The following TMEM106A variants were observed in gnomAD, a reference collection of about 807,000 sequenced individuals.
TMEM106A encodes the protein transmembrane protein 106A.
A neutral mutation model predicts 25.1 loss-of-function variants in TMEM106A; 22 were observed. The ratio of observed to expected loss-of-function variants is 0.88; its 90% CI spans 0.63 to 1.25. The LOEUF is 1.25. Among genes scored for constraint, TMEM106A ranks in the 50% most tolerant of loss-of-function variants. The pLI, the probability that TMEM106A is intolerant of heterozygous loss-of-function variation, is 0.00. For missense variants in TMEM106A, 275 were observed against 318.1 expected, an observed-to-expected ratio of 0.86 and a Z score of 1.03; for synonymous variants, 104 against 129.9, an observed-to-expected ratio of 0.80 and a Z score of 1.35.
chr17:43,217,621 A>G, intron 8 of TMEM106A, 60 bp from the exon 9 acceptor site: 1 of 1,606,920 alleles, frequency 6.2e-7, no homozygotes, highest in Non-Finnish European at 8.5e-7. Context: ...AGACAGTATA[A>G]TGGGGCCAGA....
At chr17:43,213,940 C>CAA in intron 4 of TMEM106A, 49 bp downstream of exon 4, 2 of 1,592,038 alleles carry the variant, frequency 1.3e-6, no homozygotes, top group Non-Finnish European at 1.7e-6. Flanking sequence ...CCCCTGGGGG[C>CAA]TGCTCCCTTT....
chr17:43,214,197 AAAAAAAAAG>A (rs1436827350), intron 4 of TMEM106A, among the ~76,000 whole-genome samples: 1 of 146,376 alleles, frequency 6.8e-6, no homozygotes, highest in African/African-American at 2.5e-5. Context: ...TCAAAAAAAA[AAAAAAAAAG>A]AAAAAAAAAA....
Position 43,218,056 on chromosome 17 carries a change from T to G in TMEM106A, c.*255T>G, listed in dbSNP as rs188566305. ...ATTCTGCCCTTGGTTAGTTTTTTGT[T>G]TTTTTTTTGGTAGAGACAGAGTCTC... On this transcript the variant is annotated 3_prime_UTR_variant, in exon 9 of 9. Coordinates refer to ENST00000612339, the MANE Select transcript of TMEM106A (RefSeq NM_145041.4). 0.017 allele frequency: 7,373 copies of G among 441,780 alleles called. 143 individuals are homozygous for G. The highest frequency in any genetic ancestry group is 0.038 in the South Asian group (1,401 of 36,440). 27.4% of individuals were successfully genotyped at this position (441,780 alleles called of 1,614,324 possible). A position where few individuals can be genotyped will look rare whatever the true frequency, so the allele number is the denominator to read the frequency against.
chr17:43,216,044 G>A, intron 5 of TMEM106A, 103 bp downstream of exon 5: 4 of 1,445,046 alleles, frequency 2.8e-6, no homozygotes, highest in East Asian at 2.3e-5. Flanking sequence ...GAGATCTTAT[G>A]GCACCCAGAG....
rs2057505046 is a variant in TMEM106A, at chr17:43,218,225, C to A, written c.*424C>A. ...TCTGACCTGGCATTTTCTTGAGGCA[C>A]CTTAGATTCCCTGGAGTGGCACCTG... On this transcript the variant is annotated 3_prime_UTR_variant, in exon 9 of 9. Coordinates refer to ENST00000612339, the MANE Select transcript of TMEM106A (RefSeq NM_145041.4). The A allele has an allele frequency of 5.1e-6, 1 of 194,710 alleles. No homozygotes were observed. Among genetic ancestry groups the A allele is most frequent in the East Asian group, 1.6e-4 (1 of 6,302 alleles). The allele number at this position is 194,710 out of a possible 1,614,324, so 12.1% of individuals were successfully genotyped here. A position where few individuals can be genotyped will look rare whatever the true frequency, so the allele number is the denominator to read the frequency against.
intron 4 of TMEM106A, among the ~76,000 whole-genome samples, chr17:43,215,031 G>T (rs142866672): frequency 6.6e-6 from 1 of 151,294 alleles, no homozygotes; most frequent in African/African-American, 2.4e-5. Flanking sequence ...CAGATCACGA[G>T]GTCAGGAGTT....
intron 3 of TMEM106A, 22 bp from the exon 4 acceptor site, chr17:43,213,806 C>T: frequency 6.2e-7 from 1 of 1,613,804 alleles, no homozygotes. Context: ...TTGGCCCTCC[C>T]TCTCACCTTC....
chr17:43,216,308 G>A, intron 5 of TMEM106A, 141 bp from the exon 6 acceptor site: 2 of 1,183,406 alleles, frequency 1.7e-6, no homozygotes, highest in East Asian at 2.4e-5. Context: ...CCCTCCAAGG[G>A]GCTCCCAGTT....
Position 43,219,281 on chromosome 17 carries a change from A to G in TMEM106A, c.*1480A>G, listed in dbSNP as rs752312202. ...CCTCATCTCTCCTTGGGCTTTGACA[A>G]TGTGGAGCAGCACATCAGCAGGGAC... On this transcript the variant is annotated 3_prime_UTR_variant, in exon 9 of 9. Transcript: ENST00000612339. 7 of 152,190 alleles carry G rather than the reference A, an allele frequency of 4.6e-5. No homozygotes were observed. Among genetic ancestry groups the G allele is most frequent in the South Asian group, 2.1e-4 (1 of 4,824 alleles). 9.4% of individuals were successfully genotyped at this position (152,190 alleles called of 1,614,324 possible). A position where few individuals can be genotyped will look rare whatever the true frequency, so the allele number is the denominator to read the frequency against.
At chr17:43,215,702 G>A in intron 4 of TMEM106A, 86 bp from the exon 5 acceptor site, 1 of 1,451,734 alleles carries the variant, frequency 6.9e-7, no homozygotes, top group East Asian at 2.3e-5. Context: ...CTTTGTATAT[G>A]GAGAGGAGTG....
intron 4 of TMEM106A, among the ~76,000 whole-genome samples, chr17:43,215,101 G>C (rs928762030): frequency 6.6e-6 from 1 of 152,018 alleles, no homozygotes; most frequent in African/African-American, 2.4e-5. Flanking sequence ...AAATTAGCCG[G>C]GCATAGTGGC....
chr17:43,217,989 A>G lies in TMEM106A; in HGVS notation c.*188A>G. On this transcript the variant is annotated 3_prime_UTR_variant, in exon 9 of 9. Coordinates refer to ENST00000612339, the MANE Select transcript of TMEM106A (RefSeq NM_145041.4). ...GTTAACTTCATACACACACACTCAT[A>G]TCCTCCAGTTTCCCCCAGATTCTTT... is the stretch of plus-strand genomic sequence containing the variant. 1 of 738,796 alleles carries G rather than the reference A, an allele frequency of 1.4e-6. No homozygotes were observed. Among genetic ancestry groups the G allele is most frequent in the South Asian group, 1.9e-5 (1 of 52,392 alleles). The allele number at this position is 738,796 out of a possible 1,614,324, so 45.8% of individuals were successfully genotyped here. A position where few individuals can be genotyped will look rare whatever the true frequency, so the allele number is the denominator to read the frequency against.
At position 43,218,853 on chromosome 17, in the gene TMEM106A, C is replaced by CTCTGT. The variant is rs2057510577; in HGVS notation, c.*1052_*1053insTCTGT. On this transcript the variant is annotated 3_prime_UTR_variant, in exon 9 of 9. Transcript: ENST00000612339. ...CATCTGATAGTAAGATTAGCCAAGGCCCTTTAGCCCTCTGTCCTTTCTGGT... is the reference window on the plus strand; with the variant it reads ...CATCTGATAGTAAGATTAGCCAAGGCTCTGTCCTTTAGCCCTCTGTCCTTTCTGGT... The CTCTGT allele has an allele frequency of 6.6e-6, 1 of 152,190 alleles. No homozygotes were observed. The highest frequency in any genetic ancestry group is 6.5e-5 in the Admixed American group (1 of 15,274). The allele number at this position is 152,190 out of a possible 1,614,324, so 9.4% of individuals were successfully genotyped here.
chr17:43,217,637 C>T (rs1186713905), intron 8 of TMEM106A, 44 bp from the exon 9 acceptor site: 1 of 1,612,516 alleles, frequency 6.2e-7, no homozygotes, highest in Admixed American at 1.7e-5. Flanking sequence ...CCAGAGCTTT[C>T]CTTTTCCTCC....
At chr17:43,215,724 T>G in intron 4 of TMEM106A, 64 bp from the exon 5 acceptor site, 1 of 1,578,320 alleles carries the variant, frequency 6.3e-7, no homozygotes, top group Non-Finnish European at 8.7e-7. Flanking sequence ...CTGAACCCCC[T>G]CTCCGAGTTT....
chr17:43,212,122 G>A (rs1201144256), intron 1 of TMEM106A, 105 bp from the exon 2 acceptor site: 1 of 152,584 alleles, frequency 6.6e-6, no homozygotes. Context: ...CACCCGGTCG[G>A]CCCATGGCAG....
Position 43,215,954 on chromosome 17 carries a change from C to G in TMEM106A, c.429+13C>G, listed in dbSNP as rs770963359. 1 of 1,613,746 alleles carries G rather than the reference C, an allele frequency of 6.2e-7. No homozygotes were observed. The highest frequency in any genetic ancestry group is 1.7e-5 in the Admixed American group (1 of 59,992). Reference sequence around the variant, plus strand: ...CCTCAACATAACGGTGGGTGGGTGCCCTTGGCTCCAAACCCCCCTTCCTAG... The same window carrying G: ...CCTCAACATAACGGTGGGTGGGTGCGCTTGGCTCCAAACCCCCCTTCCTAG... On this transcript the variant is annotated intron_variant, in intron 5 of 8. Transcript: ENST00000612339.
intron 3 of TMEM106A, 118 bp from the exon 4 acceptor site, chr17:43,213,710 T>TG: frequency 1.0e-6 from 1 of 985,176 alleles, no homozygotes. Flanking sequence ...GGGGCAGATG[T>TG]GGCATGTTTC....
Position 43,215,861 on chromosome 17 carries a change from C to T in TMEM106A, c.349C>T (p.Arg117Trp), listed in dbSNP as rs777203046. 1.3e-5 allele frequency: 21 copies of T among 1,613,946 alleles called. No homozygotes were observed. The highest frequency in any genetic ancestry group is 1.6e-4 in the Middle Eastern group (1 of 6,084). ...SSFIVFFLFP[R>W]SVIVQPAGLN... Reference sequence around the variant, plus strand: ...CTTCATCGTCTTTTTCCTGTTTCCCCGGTCCGTCATTGTGCAGCCTGCAGG... The same window carrying T: ...CTTCATCGTCTTTTTCCTGTTTCCCTGGTCCGTCATTGTGCAGCCTGCAGG... Residue 117 changes from arginine (R) to tryptophan (W), a missense_variant, in exon 5 of 9, where the codon CGG becomes TGG. Arg to Trp is a moderately radical substitution (Grantham distance 101, BLOSUM62 -3). Transcript: ENST00000612339.
Sources: allele counts gnomAD v4.1 joint callset (sites outside exome capture counted in the v4.1 genomes callset), GRCh38; gene constraint gnomAD v4.1.1; transcripts MANE v1.5; gene names NCBI Gene and HGNC (gene_info 2026-07-23, HGNC 2026-07-21).